Variants in DLG2 observed in about 807,000 individuals in gnomAD.
DLG2 encodes the protein discs large MAGUK scaffold protein 2.
In DLG2, 45 loss-of-function variants were observed where a neutral mutation model predicts 132.5. That is an observed-to-expected ratio of 0.34 (90% CI 0.27 to 0.44). The LOEUF (loss-of-function observed/expected upper bound fraction) is 0.44. Ranked by LOEUF, DLG2 falls within the 20% of genes least tolerant of loss-of-function variation. DLG2 has a pLI of 1.00. For synonymous variants in DLG2, 424 were observed against 419.6 expected (o/e 1.01, Z -0.13); for missense variants, 1,045 against 1,196.9 (o/e 0.87, Z 1.87).
At chr11:84,386,669 G>A (rs1284521560) in intron 7 of DLG2, among the ~76,000 whole-genome samples, 1 of 152,070 alleles carries the variant, frequency 6.6e-6, no homozygotes, top group Non-Finnish European at 1.5e-5. Flanking sequence ...TGCCAGGTCA[G>A]GTAATATGTT....
intron 3 of DLG2, among the ~76,000 whole-genome samples, chr11:85,298,057 G>C (rs1288621946): frequency 1.3e-5 from 2 of 152,204 alleles, no homozygotes; most frequent in East Asian, 1.9e-4. Context: ...ACCTAGCAAG[G>C]GTTGTGAGAG....
At chr11:85,350,186 A>G (rs913656428) in intron 3 of DLG2, among the ~76,000 whole-genome samples, 5 of 152,158 alleles carry the variant, frequency 3.3e-5, no homozygotes, top group Admixed American at 2.6e-4. Flanking sequence ...TTTTTCACAT[A>G]TCTGTTGGCT....
intron 7 of DLG2, among the ~76,000 whole-genome samples, chr11:84,364,424 G>A (rs2154424353): frequency 6.6e-6 from 1 of 152,224 alleles, no homozygotes; most frequent in Non-Finnish European, 1.5e-5. Flanking sequence ...AGACGATGGG[G>A]TTTTCTAGAT....
At chr11:84,685,283 C>T (rs1199279690) in intron 6 of DLG2, among the ~76,000 whole-genome samples, 1 of 152,194 alleles carries the variant, frequency 6.6e-6, no homozygotes, top group Non-Finnish European at 1.5e-5. Flanking sequence ...CAATGCCTAG[C>T]CAAGTTCCTG....
At chr11:83,734,581 G>T (rs1203950905) in intron 18 of DLG2, among the ~76,000 whole-genome samples, 1 of 152,062 alleles carries the variant, frequency 6.6e-6, no homozygotes, top group East Asian at 1.9e-4. Flanking sequence ...CTCCCGAGTA[G>T]CTGGGACTAC....
chr11:85,250,877 T>C (rs1473338414), intron 4 of DLG2, among the ~76,000 whole-genome samples: 1 of 152,214 alleles, frequency 6.6e-6, no homozygotes, highest in East Asian at 1.9e-4. Context: ...ATATTTTAAC[T>C]ACAAATGTTT....
intron 6 of DLG2, among the ~76,000 whole-genome samples, chr11:84,994,070 A>C (rs2154126804): frequency 6.6e-6 from 1 of 152,294 alleles, no homozygotes; most frequent in South Asian, 2.1e-4. Context: ...TAATTTAAAA[A>C]AGTGACACTT....
At chr11:84,213,818 C>CAAA (rs35761640) in intron 8 of DLG2, among the ~76,000 whole-genome samples, 5 of 46,504 alleles carry the variant, frequency 1.1e-4, no homozygotes, top group Non-Finnish European at 2.3e-4. Context: ...GACTCCGTCT[C>CAAA]AAAAAAAAAA....
intron 3 of DLG2, among the ~76,000 whole-genome samples, chr11:85,373,165 G>A (rs965504765): frequency 6.6e-6 from 1 of 152,134 alleles, no homozygotes; most frequent in African/African-American, 2.4e-5. Flanking sequence ...AAAGGGTAAA[G>A]CTTTTTTTAA....
intron 3 of DLG2, among the ~76,000 whole-genome samples, chr11:85,529,254 T>C (rs1307489158): frequency 1.3e-5 from 2 of 152,098 alleles, no homozygotes; most frequent in African/African-American, 4.8e-5. Flanking sequence ...AGCCCTACCA[T>C]CACCACCTGT....
At chr11:85,073,356 G>A (rs2066123388) in intron 6 of DLG2, among the ~76,000 whole-genome samples, 1 of 151,840 alleles carries the variant, frequency 6.6e-6, no homozygotes, top group Admixed American at 6.6e-5. Flanking sequence ...TTGTGCCATG[G>A]TAGTGGCTGA....
intron 6 of DLG2, among the ~76,000 whole-genome samples, chr11:84,725,413 C>T (rs2062321135): frequency 1.3e-5 from 2 of 152,142 alleles, no homozygotes; most frequent in South Asian, 4.1e-4. Context: ...TCCTCTCCTA[C>T]TGTAAATTGA....
In DLG2 at chr11:84,430,455, G is replaced by GAAAAAAAAAAAGAAAAGA. The variant is rs11397729; in HGVS notation, c.519+104114_519+104115insTCTTTTCTTTTTTTTTTT. Among the ~76,000 whole-genome samples the GAAAAAAAAAAAGAAAAGA allele has an allele frequency of 4.9e-5, 7 of 142,710 alleles. No homozygotes were observed. In the East Asian group the frequency reaches 1.4e-3, roughly 30 times the overall value. 93.6% of individuals were successfully genotyped at this position (142,710 alleles called of 152,430 possible). A position where few individuals can be genotyped will look rare whatever the true frequency, so the allele number is the denominator to read the frequency against. On this transcript the variant is annotated intron_variant, in intron 7 of 27. Coordinates refer to ENST00000376104, the MANE Select transcript of DLG2 (RefSeq NM_001142699.3). ...TCCATCTCAAAAAAAAAAAAGAAAA[G>GAAAAAAAAAAAGAAAAGA]AAAAAAAAAAGAGAAGGAAATGCAG...
At chr11:84,698,176 A>G (rs1391174581) in intron 6 of DLG2, among the ~76,000 whole-genome samples, 2 of 151,474 alleles carry the variant, frequency 1.3e-5, no homozygotes, top group Admixed American at 1.3e-4. Flanking sequence ...AACTAAATAG[A>G]TGATATAAAG....
intron 3 of DLG2, among the ~76,000 whole-genome samples, chr11:85,556,300 C>T (rs2076939380): frequency 6.6e-6 from 1 of 151,900 alleles, no homozygotes; most frequent in Admixed American, 6.6e-5. Context: ...ACCCTCCCTC[C>T]TCTGTTAATG....
At chr11:84,715,500 G>A (rs1280120638) in intron 6 of DLG2, among the ~76,000 whole-genome samples, 9 of 151,874 alleles carry the variant, frequency 5.9e-5, no homozygotes, top group South Asian at 2.1e-4. Flanking sequence ...CCACATAACC[G>A]CAACTTTGTT....
chr11:84,521,138 TGCAC>T (rs1210958368), intron 7 of DLG2, among the ~76,000 whole-genome samples: 1 of 152,244 alleles, frequency 6.6e-6, no homozygotes, highest in Non-Finnish European at 1.5e-5. Flanking sequence ...ATCAATCTGA[TGCAC>T]ACAGTTTAGT....
intron 5 of DLG2, among the ~76,000 whole-genome samples, chr11:85,116,601 T>G (rs1006306662): frequency 6.6e-5 from 10 of 152,038 alleles, no homozygotes; most frequent in African/African-American, 2.2e-4. Context: ...CATAAAGACA[T>G]GTAATTTCAG....
At chr11:83,707,274 T>C (rs1478854255) in intron 18 of DLG2, among the ~76,000 whole-genome samples, 1 of 152,174 alleles carries the variant, frequency 6.6e-6, no homozygotes, top group Admixed American at 6.5e-5. Flanking sequence ...CCTTAGGAGT[T>C]CCTGTTTCTA....
Sources: gnomAD v4.1 joint callset for allele counts (sites outside exome capture counted in the v4.1 genomes callset) on GRCh38, gnomAD v4.1.1 for gene constraint, MANE v1.5 for transcripts, NCBI Gene and HGNC (gene_info 2026-07-23, HGNC 2026-07-21) for gene names.